The following NUDCD3 variants were observed in gnomAD, a reference collection of about 807,000 sequenced individuals.
The protein encoded by NUDCD3 is nudC domain-containing protein 3.
NUDCD3 carries 13 observed loss-of-function variants against 39.7 expected under a neutral mutation model. The ratio of observed to expected loss-of-function variants is 0.33; its 90% CI spans 0.21 to 0.52. NUDCD3 has a LOEUF of 0.52. Among genes scored for constraint, NUDCD3 ranks in the 20% least tolerant of loss-of-function variants. NUDCD3 has a pLI of 0.96. For synonymous variants in NUDCD3, 175 were observed against 172.4 expected, an observed-to-expected ratio of 1.02 and a Z score of -0.12; for missense variants, 453 against 458.1, an observed-to-expected ratio of 0.99 and a Z score of 0.10.
rs1458765836 is a variant in NUDCD3, at chr7:44,381,285, T to C, written c.*4726A>G. Reference sequence around the variant, plus strand: ...TGATTTCAGTATCTGCCACTCACCTTGGTCATGATGCCACAGAGAGTGTGG... The same window carrying C: ...TGATTTCAGTATCTGCCACTCACCTCGGTCATGATGCCACAGAGAGTGTGG... On this transcript the variant is annotated 3_prime_UTR_variant, in exon 6 of 6. Coordinates refer to ENST00000355451, the MANE Select transcript of NUDCD3 (RefSeq NM_015332.4). 2 of 152,298 alleles carry C rather than the reference T, an allele frequency of 1.3e-5. No individual in the cohort carries two copies. Among genetic ancestry groups the C allele is most frequent in the African/African-American group, 4.8e-5 (2 of 41,456 alleles). 9.4% of individuals were successfully genotyped at this position (152,298 alleles called of 1,614,324 possible). A position where few individuals can be genotyped will look rare whatever the true frequency, so the allele number is the denominator to read the frequency against.
chr7:44,426,502 A>C (rs1234448392), intron 3 of NUDCD3, among the ~76,000 whole-genome samples: 1 of 152,170 alleles, frequency 6.6e-6, no homozygotes, highest in Non-Finnish European at 1.5e-5. Flanking sequence ...GGAAATAAAA[A>C]AATAGCAAGG....
Position 44,437,129 on chromosome 7 carries a change from G to A in NUDCD3, c.510-9426C>T, listed in dbSNP as rs368970269. Among the ~76,000 whole-genome samples the A allele has an allele frequency of 1.4e-4, 21 of 147,750 alleles. No homozygotes were observed. The East Asian group carries it at 4.2e-3, about 29-fold the overall frequency. ...CTGTCATCCAGGCTGGAGTGCAATG[G>A]TGCGATCTCGGCTCACTGCAACCTC... On this transcript the variant is annotated intron_variant, in intron 2 of 5. Coordinates refer to ENST00000355451, the MANE Select transcript of NUDCD3 (RefSeq NM_015332.4).
chr7:44,436,563 A>T (rs1266469345), intron 2 of NUDCD3, among the ~76,000 whole-genome samples: 1 of 152,180 alleles, frequency 6.6e-6, no homozygotes, highest in Non-Finnish European at 1.5e-5. Flanking sequence ...CATGCTACAG[A>T]ACTACAGGAT....
intron 4 of NUDCD3, among the ~76,000 whole-genome samples, chr7:44,402,120 C>G (rs577919540): frequency 1.3e-5 from 2 of 152,322 alleles, no homozygotes; most frequent in South Asian, 4.1e-4. Flanking sequence ...CTGGAAAAAG[C>G]CTTCTGGGAC....
At chr7:44,488,782 G>A (rs1800670670) in intron 1 of NUDCD3, among the ~76,000 whole-genome samples, 1 of 152,104 alleles carries the variant, frequency 6.6e-6, no homozygotes, top group Non-Finnish European at 1.5e-5. Context: ...TACTTCATTA[G>A]ACTGGTCACC....
intron 2 of NUDCD3, among the ~76,000 whole-genome samples, chr7:44,451,778 C>A (rs1302349142): frequency 1.3e-5 from 2 of 151,566 alleles, no homozygotes; most frequent in African/African-American, 2.4e-5. Flanking sequence ...GTTTAGTACA[C>A]AAGAAAACAA....
chr7:44,457,380 G>T (rs1274660280), intron 2 of NUDCD3, among the ~76,000 whole-genome samples: 1 of 152,132 alleles, frequency 6.6e-6, no homozygotes, highest in Non-Finnish European at 1.5e-5. Context: ...AAAATTATCT[G>T]TTTGCAAATG....
At chr7:44,388,229 G>A (rs560150130) in intron 5 of NUDCD3, among the ~76,000 whole-genome samples, 40 of 152,330 alleles carry the variant, frequency 2.6e-4, no homozygotes, top group African/African-American at 9.4e-4. Flanking sequence ...GCCAGAGCAC[G>A]CTGGTAACTG....
intron 3 of NUDCD3, among the ~76,000 whole-genome samples, chr7:44,408,407 C>A (rs1478709627): frequency 6.6e-6 from 1 of 152,012 alleles, no homozygotes; most frequent in Non-Finnish European, 1.5e-5. Context: ...GGAGTTCAGG[C>A]AGAAAGAGAT....
intron 2 of NUDCD3, among the ~76,000 whole-genome samples, chr7:44,460,880 G>A (rs1474926951): frequency 2.0e-5 from 3 of 152,120 alleles, no homozygotes; most frequent in Non-Finnish European, 4.4e-5. Flanking sequence ...TGGCAAAAAC[G>A]CTTTTTTGCA....
intron 5 of NUDCD3, among the ~76,000 whole-genome samples, chr7:44,388,762 C>T (rs566244464): frequency 6.8e-4 from 104 of 152,346 alleles, no homozygotes; most frequent in African/African-American, 2.4e-3. Context: ...CCTACCCCCG[C>T]GCCACCAGCC....
At chr7:44,434,253 A>G (rs1346309594) in intron 2 of NUDCD3, among the ~76,000 whole-genome samples, 1 of 152,110 alleles carries the variant, frequency 6.6e-6, no homozygotes, top group East Asian at 1.9e-4. Flanking sequence ...CCCAGCTGCC[A>G]GGTCTGCCCC....
chr7:44,440,975 G>GT (rs1356203957), intron 2 of NUDCD3, among the ~76,000 whole-genome samples: 3 of 152,196 alleles, frequency 2.0e-5, no homozygotes, highest in Non-Finnish European at 4.4e-5. Context: ...CAAGATGACA[G>GT]TATTTTTCTC....
At chr7:44,409,190 T>G (rs1445143851) in intron 3 of NUDCD3, among the ~76,000 whole-genome samples, 1 of 152,180 alleles carries the variant, frequency 6.6e-6, no homozygotes, top group Non-Finnish European at 1.5e-5. Flanking sequence ...TAAGAAGGCC[T>G]TAAGCTCTCA....
intron 3 of NUDCD3, among the ~76,000 whole-genome samples, chr7:44,421,358 A>C (rs539636234): frequency 4.8e-4 from 73 of 150,978 alleles, no homozygotes; most frequent in African/African-American, 1.7e-3. Flanking sequence ...AACCACACAC[A>C]GACTGGCAAA....
intron 2 of NUDCD3, among the ~76,000 whole-genome samples, chr7:44,449,053 T>C (rs1043085442): frequency 3.3e-5 from 5 of 152,142 alleles, no homozygotes; most frequent in Admixed American, 1.3e-4. Context: ...GTAGAGAGCA[T>C]GGAACAGAGG....
At chr7:44,430,711 T>C (rs1456078198) in intron 2 of NUDCD3, among the ~76,000 whole-genome samples, 2 of 152,040 alleles carry the variant, frequency 1.3e-5, no homozygotes, top group Non-Finnish European at 2.9e-5. Flanking sequence ...AGAATGAGTA[T>C]AATGCCGGGG....
intron 2 of NUDCD3, among the ~76,000 whole-genome samples, chr7:44,457,022 C>A (rs1799917079): frequency 6.7e-6 from 1 of 150,010 alleles, no homozygotes; most frequent in Admixed American, 6.6e-5. Context: ...CAGATATAAC[C>A]TGGTTAAAAA....
At chr7:44,425,317 TA>T (rs1212041933) in intron 3 of NUDCD3, among the ~76,000 whole-genome samples, 1 of 152,032 alleles carries the variant, frequency 6.6e-6, no homozygotes, top group Non-Finnish European at 1.5e-5. Context: ...AATAAAAATT[TA>T]AAAAAAGAAA....
Sources: allele counts gnomAD v4.1 joint callset (sites outside exome capture counted in the v4.1 genomes callset), GRCh38; gene constraint gnomAD v4.1.1; transcripts MANE v1.5; gene names NCBI Gene and HGNC (gene_info 2026-07-23, HGNC 2026-07-21).